Variants in NRXN3 observed in about 807,000 individuals in gnomAD.
The protein encoded by NRXN3 is neurexin 3, also known as neurexin III.
A neutral mutation model predicts 137.6 loss-of-function variants in NRXN3; 32 were observed. That is an observed-to-expected ratio of 0.23 (90% CI 0.18 to 0.31). The LOEUF (loss-of-function observed/expected upper bound fraction) is 0.31, where lower values mean the gene tolerates loss of function less well. Ranked by LOEUF, NRXN3 falls within the 10% of genes least tolerant of loss-of-function variation. NRXN3 has a pLI of 1.00. For synonymous variants in NRXN3, 798 were observed against 784.5 expected, an observed-to-expected ratio of 1.02 and a Z score of -0.29; for missense variants, 1,574 against 2,062.5, an observed-to-expected ratio of 0.76 and a Z score of 4.59.
intron 4 of NRXN3, among the ~76,000 whole-genome samples, chr14:78,358,430 T>C (rs1258059286): frequency 6.6e-6 from 1 of 152,168 alleles, no homozygotes; most frequent in Non-Finnish European, 1.5e-5. Flanking sequence ...GCATTCCATG[T>C]CTCTCTGTTG....
chr14:79,378,299 T>C (rs2094364965), intron 15 of NRXN3, among the ~76,000 whole-genome samples: 1 of 152,162 alleles, frequency 6.6e-6, no homozygotes, highest in Non-Finnish European at 1.5e-5. Context: ...CTTCCTCACA[T>C]TCACACTGAA....
rs891246437 is a variant in NRXN3, at chr14:79,426,883, T to C, written c.3263-40338T>C. On this transcript the variant is annotated intron_variant, in intron 15 of 20. Coordinates refer to ENST00000335750, the MANE Select transcript of NRXN3 (RefSeq NM_001330195.2). ...ATATTAGTGTTGTTTTTTAAACTTG[T>C]CAGTAAGAATTCTCCCCTGGGTGTT... Among the ~76,000 whole-genome samples the C allele has an allele frequency of 1.1e-4, 17 of 152,364 alleles. No individual in the cohort carries two copies. In the East Asian group the frequency reaches 2.3e-3, roughly 21 times the overall value.
chr14:78,502,572 A>AG (rs2095899710), intron 4 of NRXN3, among the ~76,000 whole-genome samples: 5 of 152,160 alleles, frequency 3.3e-5, no homozygotes, highest in African/African-American at 1.2e-4. Context: ...GGAGATGCAC[A>AG]AGTCTTGATA....
intron 15 of NRXN3, among the ~76,000 whole-genome samples, chr14:79,176,599 G>A (rs554694752): frequency 6.6e-6 from 1 of 152,246 alleles, no homozygotes; most frequent in South Asian, 2.1e-4. Context: ...TGAATATGCT[G>A]TGCTCGTTCA....
chr14:78,241,934 A>G (rs1206189689), intron 1 of NRXN3, among the ~76,000 whole-genome samples: 2 of 152,328 alleles, frequency 1.3e-5, no homozygotes, highest in East Asian at 3.9e-4. Context: ...ATTTAGGGGT[A>G]GCAATTTGCC....
At chr14:78,329,832 A>G (rs2080570328) in intron 4 of NRXN3, among the ~76,000 whole-genome samples, 1 of 152,184 alleles carries the variant, frequency 6.6e-6, no homozygotes, top group South Asian at 2.1e-4. Context: ...GACAATAGGA[A>G]GCTCATTTTT....
intron 4 of NRXN3, among the ~76,000 whole-genome samples, chr14:78,461,856 C>G (rs1398693654): frequency 1.3e-5 from 2 of 152,134 alleles, no homozygotes; most frequent in African/African-American, 4.8e-5. Context: ...TGAAGTGTAC[C>G]TTTCCAGACA....
intron 2 of NRXN3, among the ~76,000 whole-genome samples, chr14:78,250,890 T>C (rs2068509976): frequency 6.6e-6 from 1 of 152,126 alleles, no homozygotes; most frequent in Non-Finnish European, 1.5e-5. Context: ...AATGTCAAGT[T>C]CCTGGTGCAG....
intron 15 of NRXN3, among the ~76,000 whole-genome samples, chr14:79,142,782 T>G (rs1259695376): frequency 6.6e-6 from 1 of 151,980 alleles, no homozygotes; most frequent in Non-Finnish European, 1.5e-5. Context: ...GGAATGAGAT[T>G]GAAGAAGTGG....
intron 1 of NRXN3, among the ~76,000 whole-genome samples, chr14:78,199,240 C>T (rs1186101685): frequency 1.3e-5 from 2 of 152,022 alleles, no homozygotes; most frequent in Non-Finnish European, 2.9e-5. Context: ...AAGTGGGCAC[C>T]CAGGATGTTC....
intron 8 of NRXN3, among the ~76,000 whole-genome samples, chr14:78,748,469 T>C (rs779419230): frequency 3.3e-5 from 5 of 151,922 alleles, no homozygotes; most frequent in African/African-American, 1.2e-4. Flanking sequence ...AGTTAGGGGG[T>C]TTATTCTCAA....
intron 4 of NRXN3, among the ~76,000 whole-genome samples, chr14:78,613,094 G>A (rs1030799290): frequency 2.0e-5 from 3 of 152,086 alleles, no homozygotes; most frequent in Admixed American, 6.5e-5. Context: ...TTGACCAAAG[G>A]CCTGCCTTGC....
intron 20 of NRXN3, among the ~76,000 whole-genome samples, chr14:79,823,632 A>T (rs1157405587): frequency 1.3e-5 from 2 of 152,242 alleles, no homozygotes; most frequent in Non-Finnish European, 2.9e-5. Flanking sequence ...TACATTTGTA[A>T]TCAGAGAGAA....
intron 16 of NRXN3, among the ~76,000 whole-genome samples, chr14:79,469,209 T>C (rs1248772244): frequency 1.3e-5 from 2 of 152,176 alleles, no homozygotes; most frequent in African/African-American, 4.8e-5. Flanking sequence ...AGTCAAATAG[T>C]GTACTATTGT....
At chr14:78,639,090 C>G (rs1246769398) in intron 4 of NRXN3, among the ~76,000 whole-genome samples, 1 of 152,214 alleles carries the variant, frequency 6.6e-6, no homozygotes, top group African/African-American at 2.4e-5. Flanking sequence ...CTGGGTTTGT[C>G]TTCACAGAGA....
intron 4 of NRXN3, among the ~76,000 whole-genome samples, chr14:78,423,433 C>A (rs1200678763): frequency 6.6e-6 from 1 of 152,206 alleles, no homozygotes; most frequent in African/African-American, 2.4e-5. Flanking sequence ...TCCCCTCCTC[C>A]AACCTTCCAC....
At chr14:78,681,373 T>A (rs535594924) in intron 6 of NRXN3, among the ~76,000 whole-genome samples, 1 of 152,280 alleles carries the variant, frequency 6.6e-6, no homozygotes, top group African/African-American at 2.4e-5. Context: ...CTTATCCCTA[T>A]AGGCACAGAT....
chr14:78,814,149 T>G (rs1324757228), intron 10 of NRXN3, among the ~76,000 whole-genome samples: 6 of 152,224 alleles, frequency 3.9e-5, no homozygotes, highest in Non-Finnish European at 8.8e-5. Flanking sequence ...ATCAAGGTCT[T>G]TGGTTGAATC....
At chr14:79,574,730 T>A (rs1483607342) in intron 16 of NRXN3, among the ~76,000 whole-genome samples, 2 of 151,968 alleles carry the variant, frequency 1.3e-5, no homozygotes, top group Admixed American at 6.6e-5. Context: ...TAGAAGCGAG[T>A]CACGATGTTT....
Sources: gnomAD v4.1 joint callset for allele counts (sites outside exome capture counted in the v4.1 genomes callset) on GRCh38, gnomAD v4.1.1 for gene constraint, MANE v1.5 for transcripts, NCBI Gene and HGNC (gene_info 2026-07-23, HGNC 2026-07-21) for gene names.